Variants in MYO3A observed in about 807,000 individuals in gnomAD.
MYO3A encodes myosin IIIA.
Under a neutral mutation model 192.7 loss-of-function variants are expected in MYO3A, and 180 were observed. The ratio of observed to expected loss-of-function variants is 0.93; its 90% CI spans 0.83 to 1.06. The LOEUF is 1.06. Ranked by LOEUF, MYO3A falls within the 50% of genes least tolerant of loss-of-function variation. The pLI, the probability that MYO3A is intolerant of heterozygous loss-of-function variation, is 0.00. For synonymous variants in MYO3A, 628 were observed against 645.3 expected (o/e 0.97, Z 0.41); for missense variants, 1,896 against 1,905.0 (o/e 1.00, Z 0.09).
intron 4 of MYO3A, among the ~76,000 whole-genome samples, chr10:25,983,129 C>A (rs1002143955): frequency 6.6e-6 from 1 of 151,954 alleles, no homozygotes; most frequent in Non-Finnish European, 1.5e-5. Flanking sequence ...TTCTGGAAAT[C>A]AAGGACACAA....
chr10:26,080,112 A>G (rs568581593), intron 14 of MYO3A, among the ~76,000 whole-genome samples: 23 of 152,276 alleles, frequency 1.5e-4, no homozygotes, highest in African/African-American at 5.5e-4. Context: ...ATCCCCACAA[A>G]TATGTTTTCC....
chr10:25,941,655 T>C (rs144354999), intron 2 of MYO3A, among the ~76,000 whole-genome samples: 1 of 152,356 alleles, frequency 6.6e-6, no homozygotes, highest in Non-Finnish European at 1.5e-5. Flanking sequence ...AAATGTGCAG[T>C]TGAGTGGTAT....
At chr10:26,111,855 C>T (rs952510303) in intron 17 of MYO3A, among the ~76,000 whole-genome samples, 3 of 152,318 alleles carry the variant, frequency 2.0e-5, no homozygotes, top group East Asian at 1.9e-4. Flanking sequence ...GTACAATAAA[C>T]AAGACAGTGC....
rs750056007 is a variant in MYO3A at position 25,952,227 on chromosome 10, G to T, written c.117G>T (p.Leu39Phe). ...KGTYGKVFKV[L>F]NKKNGQKAAV... ...CTTATGGGAAAGTTTTTAAAGTATT[G>T]AATAAGAAAAATGGCCAAAAAGCAG... Residue 39 changes from leucine to phenylalanine, a missense_variant, in exon 3 of 35, where the codon TTG (leucine) becomes TTT (phenylalanine). Leu to Phe is a conservative substitution (Grantham distance 22, BLOSUM62 0). Coordinates refer to ENST00000642920, the MANE Select transcript of MYO3A (RefSeq NM_017433.5). The T allele has an allele frequency of 9.2e-5, 149 of 1,612,604 alleles. No individual in the cohort carries two copies. The highest frequency in any genetic ancestry group is 1.2e-4 in the Non-Finnish European group (136 of 1,179,252).
chr10:26,117,308 T>TA (rs945038344), intron 17 of MYO3A, among the ~76,000 whole-genome samples: 2 of 152,140 alleles, frequency 1.3e-5, no homozygotes, highest in Non-Finnish European at 2.9e-5. Context: ...TTATCGAGGG[T>TA]AAAAAAACAC....
Position 26,037,467 on chromosome 10 carries a change from A to G in MYO3A, c.953+10935A>G, listed in dbSNP as rs939654328. On this transcript the variant is annotated intron_variant, in intron 10 of 34. Coordinates refer to ENST00000642920, the MANE Select transcript of MYO3A (RefSeq NM_017433.5). ...GATTTTTTGAGATAAAGGTTTTGAA[A>G]TTTTGTTCTAAATTTTTTAATAGAT... Among the ~76,000 whole-genome samples the G allele has an allele frequency of 2.0e-5, 3 of 152,306 alleles. No individual in the cohort carries two copies. The South Asian group carries it at 6.2e-4, about 32-fold the overall frequency.
At chr10:26,064,672 G>C (rs1470999823) in intron 10 of MYO3A, among the ~76,000 whole-genome samples, 9 of 152,034 alleles carry the variant, frequency 5.9e-5, no homozygotes, top group African/African-American at 2.2e-4. Context: ...TGGGGGGATG[G>C]TGGGGAGAAA....
At chr10:26,203,717 A>G (rs895640934) in intron 34 of MYO3A, among the ~76,000 whole-genome samples, 11 of 152,246 alleles carry the variant, frequency 7.2e-5, no homozygotes, top group African/African-American at 2.7e-4. Flanking sequence ...CAAACATGAC[A>G]TATGAAAAAT....
chr10:26,082,817 C>G (rs1836053028), intron 14 of MYO3A, among the ~76,000 whole-genome samples: 1 of 151,762 alleles, frequency 6.6e-6, no homozygotes, highest in South Asian at 2.1e-4. Flanking sequence ...GGATCCCTTG[C>G]TGACTTCTTT....
chr10:26,174,628 T>C (rs1248533184), intron 30 of MYO3A, 71 bp downstream of exon 30: 1 of 1,290,048 alleles, frequency 7.8e-7, no homozygotes, highest in East Asian at 2.4e-5. Context: ...ATTAAACACA[T>C]AATTAATAAC....
At chr10:26,014,493 A>T (rs766055939) in intron 6 of MYO3A, among the ~76,000 whole-genome samples, 1 of 152,116 alleles carries the variant, frequency 6.6e-6, no homozygotes, top group African/African-American at 2.4e-5. Flanking sequence ...CTGATTTCAA[A>T]ATATTAATCT....
intron 20 of MYO3A, among the ~76,000 whole-genome samples, chr10:26,129,436 G>T (rs1839409487): frequency 6.6e-6 from 1 of 151,932 alleles, no homozygotes; most frequent in African/African-American, 2.4e-5. Flanking sequence ...TGTCTCCTCT[G>T]CTCCTCTCTG....
intron 2 of MYO3A, among the ~76,000 whole-genome samples, chr10:25,948,345 T>TA (rs1039817169): frequency 3.9e-4 from 60 of 152,204 alleles, no homozygotes; most frequent in Admixed American, 1.9e-3. Context: ...TTTTCTATCT[T>TA]AAAAAAATCC....
At chr10:26,018,985 T>G (rs898491707) in intron 7 of MYO3A, among the ~76,000 whole-genome samples, 21 of 152,316 alleles carry the variant, frequency 1.4e-4, no homozygotes, top group African/African-American at 4.8e-4. Context: ...TTAACAGCTT[T>G]ATAAAGGTAT....
chr10:26,038,263 A>T (rs148246651), intron 10 of MYO3A, among the ~76,000 whole-genome samples: 8 of 152,276 alleles, frequency 5.3e-5, no homozygotes, highest in Admixed American at 5.2e-4. Context: ...TTTGACAGGG[A>T]TTGCAATTAA....
At chr10:26,042,210 G>A (rs1477971861) in intron 10 of MYO3A, among the ~76,000 whole-genome samples, 1 of 152,088 alleles carries the variant, frequency 6.6e-6, no homozygotes, top group Non-Finnish European at 1.5e-5. Context: ...TCCCTTTTAT[G>A]TAATTTACTT....
intron 10 of MYO3A, among the ~76,000 whole-genome samples, chr10:26,063,167 T>C (rs1311434543): frequency 1.3e-5 from 2 of 152,100 alleles, no homozygotes; most frequent in Non-Finnish European, 2.9e-5. Context: ...TGAAGAGAAG[T>C]CAATGGCTGG....
intron 2 of MYO3A, among the ~76,000 whole-genome samples, chr10:25,948,320 T>A (rs143397087): frequency 6.6e-6 from 1 of 152,222 alleles, no homozygotes; most frequent in South Asian, 2.1e-4. Context: ...CGTTTTTCAT[T>A]GTATTATGAT....
chr10:26,157,657 A>C (rs1362988256), intron 26 of MYO3A, 142 bp downstream of exon 26: 2 of 908,940 alleles, frequency 2.2e-6, no homozygotes, highest in Non-Finnish European at 3.4e-6. Flanking sequence ...TGTGTTGAAA[A>C]AAGAAGATAG....
Sources: gnomAD v4.1 joint callset for allele counts (sites outside exome capture counted in the v4.1 genomes callset) on GRCh38, gnomAD v4.1.1 for gene constraint, MANE v1.5 for transcripts, NCBI Gene and HGNC (gene_info 2026-07-23, HGNC 2026-07-21) for gene names.